MSR1: variants seen among roughly 807,000 people sequenced by gnomAD.
The protein encoded by MSR1 is macrophage scavenger receptor types I and II.
A neutral mutation model predicts 47.2 loss-of-function variants in MSR1; 53 were observed. That is an observed-to-expected ratio of 1.12 (90% confidence interval 0.90 to 1.41). The LOEUF (loss-of-function observed/expected upper bound fraction) is 1.41, where lower values mean the gene tolerates loss of function less well. MSR1 is among the 40% of genes most tolerant of loss of function. MSR1 has a pLI of 0.00. For missense variants in MSR1, 786 were observed against 546.9 expected, an observed-to-expected ratio of 1.44 and a Z score of -4.36; for synonymous variants, 239 against 185.6, an observed-to-expected ratio of 1.29 and a Z score of -2.34.
intron 6 of MSR1, among the ~76,000 whole-genome samples, chr8:16,153,207 T>C (rs1800908806): frequency 6.6e-6 from 1 of 151,998 alleles, no homozygotes; most frequent in Non-Finnish European, 1.5e-5. Flanking sequence ...CCTGCTCAGA[T>C]TAGAAAGCAG....
chr8:16,177,430 A>C (rs556862054), intron 2 of MSR1, among the ~76,000 whole-genome samples: 1 of 152,106 alleles, frequency 6.6e-6, no homozygotes. Flanking sequence ...GGGAGGAGGC[A>C]CAGGAAGATT....
At chr8:16,145,188 T>G (rs1203737835) in intron 7 of MSR1, among the ~76,000 whole-genome samples, 2 of 152,120 alleles carry the variant, frequency 1.3e-5, no homozygotes, top group Non-Finnish European at 2.9e-5. Flanking sequence ...TGATTATACT[T>G]TATATCATTA....
At chr8:16,140,990 A>T in intron 8 of MSR1, 1 of 1,613,940 alleles carries the variant, frequency 6.2e-7, no homozygotes, top group Non-Finnish European at 8.5e-7. Context: ...GTCCCGCCCA[A>T]CCCACCTGAT....
chr8:16,113,751 A>T (rs1799814789), intron 9 of MSR1, among the ~76,000 whole-genome samples: 1 of 152,126 alleles, frequency 6.6e-6, no homozygotes, highest in Admixed American at 6.6e-5. Context: ...ATATTTCATG[A>T]TACTAAGATT....
rs141515614 is a variant in MSR1 at position 16,117,904 on chromosome 8, A to C, written c.1222+2514T>G. On this transcript the variant is annotated intron_variant, in intron 9 of 9. Coordinates refer to ENST00000262101, the MANE Select transcript of MSR1 (RefSeq NM_138715.3). ...ATTACAGTATAATAATAATAGAAAT[A>C]ATGTGCACAATAAATGTCATGTGCT... is the stretch of plus-strand genomic sequence containing the variant. 9.8e-3 allele frequency among the ~76,000 whole-genome samples: 1,492 copies of C among 152,268 alleles called. 13 individuals are homozygous for C. Among genetic ancestry groups the C allele is most frequent in the Non-Finnish European group, 0.017 (1,142 of 68,008 alleles).
intron 9 of MSR1, among the ~76,000 whole-genome samples, chr8:16,111,562 A>G (rs745812886): frequency 7.2e-5 from 11 of 152,190 alleles, no homozygotes; most frequent in Non-Finnish European, 1.2e-4. Flanking sequence ...GGCCATCCCA[A>G]CATGAATAGC....
intron 9 of MSR1, among the ~76,000 whole-genome samples, chr8:16,118,306 A>G (rs1265923041): frequency 1.3e-5 from 2 of 152,198 alleles, no homozygotes; most frequent in African/African-American, 4.8e-5. Flanking sequence ...TATGTCCTCT[A>G]TTAGAACTGT....
At chr8:16,124,088 G>GC (rs1385590116) in intron 8 of MSR1, among the ~76,000 whole-genome samples, 1 of 152,092 alleles carries the variant, frequency 6.6e-6, no homozygotes, top group Non-Finnish European at 1.5e-5. Flanking sequence ...ATATTTTACA[G>GC]CCTATTTCTT....
Position 16,164,132 on chromosome 8 carries a change from G to T in MSR1, c.750C>A (p.Ile250=), listed in dbSNP as rs1213137251. The change falls in exon 5 of 10, where the codon ATC becomes ATA. Residue 250 remains isoleucine (I), a synonymous_variant. Coordinates refer to ENST00000262101, the MANE Select transcript of MSR1 (RefSeq NM_138715.3). ...IKGEVKVLNN[I]TNDLRLKDWE... The stretch of plus-strand genomic sequence containing the variant: ...AATCTTTCAGTCTGAGATCATTAGT[G>T]ATGTTATTCAGTACTTTCACTTCTC... 3 of 1,612,000 alleles carry T rather than the reference G, an allele frequency of 1.9e-6. 1 individual carries two copies. The highest frequency in any genetic ancestry group is 1.7e-6 in the Non-Finnish European group (2 of 1,178,632).
At chr8:16,138,084 A>G (rs1054807437) in intron 8 of MSR1, among the ~76,000 whole-genome samples, 16 of 152,054 alleles carry the variant, frequency 1.1e-4, no homozygotes, top group African/African-American at 3.6e-4. Context: ...GTATTCATTT[A>G]AGATTGAGCT....
At chr8:16,171,016 G>A (rs1186411187) in intron 3 of MSR1, among the ~76,000 whole-genome samples, 2 of 152,010 alleles carry the variant, frequency 1.3e-5, no homozygotes, top group African/African-American at 2.4e-5. Context: ...CTGAGGTCAG[G>A]AGTTCGAGAC....
chr8:16,117,357 C>T (rs755048266), intron 9 of MSR1, among the ~76,000 whole-genome samples: 4 of 152,028 alleles, frequency 2.6e-5, no homozygotes, highest in African/African-American at 4.8e-5. Flanking sequence ...AGCTGGGGAG[C>T]GGCTGCAAAT....
chr8:16,188,339 GA>G (rs1239869388), intron 1 of MSR1, among the ~76,000 whole-genome samples: 1 of 151,610 alleles, frequency 6.6e-6, no homozygotes, highest in Non-Finnish European at 1.5e-5. Flanking sequence ...CCTAATAAAG[GA>G]AAAAAACCCT....
intron 1 of MSR1, chr8:16,186,036 C>T (rs1039521298): frequency 1.2e-6 from 1 of 812,896 alleles, no homozygotes; most frequent in Non-Finnish European, 1.9e-6. Flanking sequence ...TAACCTGCCA[C>T]ATAGAATTTA....
chr8:16,175,049 A>C (rs898596414), intron 3 of MSR1, 138 bp downstream of exon 3: 3 of 717,316 alleles, frequency 4.2e-6, no homozygotes, highest in South Asian at 3.5e-5. Context: ...TAACTTAACA[A>C]ATTTGAAGGA....
chr8:16,173,199 A>G (rs1801538960), intron 3 of MSR1, among the ~76,000 whole-genome samples: 1 of 152,202 alleles, frequency 6.6e-6, no homozygotes. Context: ...AAACTCCAGA[A>G]TAAATGTGTT....
intron 8 of MSR1, 118 bp downstream of exon 8, chr8:16,143,440 T>C (rs1345856342): frequency 1.3e-5 from 10 of 773,104 alleles, no homozygotes; most frequent in East Asian, 1.3e-4. Context: ...TTGGCTTCCA[T>C]AGAGTCTGTA....
At chr8:16,140,751 G>T (rs1257101361) in intron 8 of MSR1, 17 of 1,429,016 alleles carry the variant, frequency 1.2e-5, no homozygotes, top group Non-Finnish European at 1.5e-5. Context: ...CCAGGCTGGG[G>T]GTGATAGGGG....
Position 16,110,224 on chromosome 8 carries a change from A to G in MSR1, c.1223-6T>C. 1.2e-6 allele frequency: 2 copies of G among 1,613,168 alleles called. No homozygotes were observed. The highest frequency in any genetic ancestry group is 1.7e-6 in the Non-Finnish European group (2 of 1,179,386). Reference sequence around the variant, plus strand: ...CAGCCATATTGGACCAGTACCTGCAATAATGAGGTATAACTGCATTAGTAA... The same window carrying G: ...CAGCCATATTGGACCAGTACCTGCAGTAATGAGGTATAACTGCATTAGTAA... On this transcript the variant is annotated splice_region_variant and splice_polypyrimidine_tract_variant and intron_variant, in intron 9 of 9. Coordinates refer to ENST00000262101, the MANE Select transcript of MSR1 (RefSeq NM_138715.3).
Sources: gnomAD v4.1 joint callset for allele counts (sites outside exome capture counted in the v4.1 genomes callset) on GRCh38, gnomAD v4.1.1 for gene constraint, MANE v1.5 for transcripts, NCBI Gene and HGNC (gene_info 2026-07-23, HGNC 2026-07-21) for gene names.